The following RASGRP3 variants were observed in gnomAD, a reference collection of about 807,000 sequenced individuals.
RASGRP3 encodes ras guanyl-releasing protein 3.
RASGRP3 carries 54 observed loss-of-function variants against 82.7 expected under a neutral mutation model. The ratio of observed to expected loss-of-function variants is 0.65; its 90% confidence interval spans 0.52 to 0.82. RASGRP3 has a LOEUF of 0.82. Ranked by LOEUF, RASGRP3 falls within the 40% of genes least tolerant of loss-of-function variation. The pLI is 0.00. For missense variants in RASGRP3, 861 were observed against 828.9 expected (o/e 1.04, Z -0.48); for synonymous variants, 309 against 300.5 (o/e 1.03, Z -0.29).
chr2:33,447,149 G>A (rs1372617092), intron 1 of RASGRP3, among the ~76,000 whole-genome samples: 1 of 151,588 alleles, frequency 6.6e-6, no homozygotes, highest in East Asian at 1.9e-4. Context: ...GACCAAGTCA[G>A]GCATGAATGG....
At chr2:33,507,128 G>C (rs1339803071) in intron 1 of RASGRP3, among the ~76,000 whole-genome samples, 3 of 152,208 alleles carry the variant, frequency 2.0e-5, no homozygotes, top group Non-Finnish European at 4.4e-5. Context: ...AGGCACAGTG[G>C]CTCACACATG....
At chr2:33,511,928 A>G (rs1304635314) in intron 2 of RASGRP3, 86 bp downstream of exon 2, 2 of 152,604 alleles carry the variant, frequency 1.3e-5, no homozygotes, top group East Asian at 1.9e-4. Context: ...GAAACGTGCT[A>G]TGATGTTAAT....
intron 12 of RASGRP3, among the ~76,000 whole-genome samples, chr2:33,540,813 G>A (rs1197646637): frequency 2.1e-5 from 3 of 144,670 alleles, no homozygotes; most frequent in Non-Finnish European, 3.1e-5. Context: ...TTCCAAAATA[G>A]TTAACTTTTA....
intron 1 of RASGRP3, among the ~76,000 whole-genome samples, chr2:33,485,786 C>T (rs1185873256): frequency 1.3e-5 from 2 of 152,150 alleles, no homozygotes; most frequent in African/African-American, 4.8e-5. Context: ...TTGCTTTCAA[C>T]CTCTCTTTGG....
rs933008427 is a variant in RASGRP3, at chr2:33,510,555, T to C, written c.-260-1155T>C. ...TCGAATATCTTTTCTCTTCTCTAAA[T>C]GAACACCTCTCTCCCTTTCGCTTCT... On this transcript the variant is annotated intron_variant, in intron 1 of 17. Coordinates refer to ENST00000403687, the MANE Select transcript of RASGRP3 (RefSeq NM_001139488.2). Among the ~76,000 whole-genome samples the C allele has an allele frequency of 2.6e-5, 4 of 152,220 alleles. No homozygotes were observed. The South Asian group carries it at 8.3e-4, about 32-fold the overall frequency.
intron 1 of RASGRP3, among the ~76,000 whole-genome samples, chr2:33,477,477 G>T (rs1313301817): frequency 6.6e-6 from 1 of 152,128 alleles, no homozygotes; most frequent in African/African-American, 2.4e-5. Context: ...TGATACTCAG[G>T]CTGTTTTTTC....
chr2:33,538,417 C>T (rs551610981), intron 11 of RASGRP3, among the ~76,000 whole-genome samples: 8 of 151,492 alleles, frequency 5.3e-5, no homozygotes, highest in Admixed American at 1.3e-4. Flanking sequence ...GCACAAGAAT[C>T]GCTTGAACTT....
intron 9 of RASGRP3, 114 bp downstream of exon 9, chr2:33,524,662 G>A: frequency 1.3e-6 from 1 of 760,438 alleles, no homozygotes; most frequent in Non-Finnish European, 2.1e-6. Context: ...TCTTAAACCA[G>A]TGGTAGGTTA....
intron 2 of RASGRP3, chr2:33,458,150 G>A (rs1036561748): frequency 1.6e-4 from 24 of 152,150 alleles, no homozygotes; most frequent in East Asian, 1.9e-4. Flanking sequence ...GTCCAAAATC[G>A]GACTTATGTT....
chr2:33,557,505 C>T (rs564034215), intron 15 of RASGRP3, among the ~76,000 whole-genome samples: 4 of 151,924 alleles, frequency 2.6e-5, no homozygotes, highest in African/African-American at 7.3e-5. Flanking sequence ...GTCAGGAGAT[C>T]GAGACCATCC....
intron 10 of RASGRP3, 140 bp from the exon 11 acceptor site, chr2:33,534,183 G>T: frequency 4.9e-6 from 3 of 613,566 alleles, no homozygotes; most frequent in East Asian, 2.8e-5. Context: ...CCATCTCTGC[G>T]TGCCGTCTTT....
chr2:33,472,856 GC>G (rs1667139028), upstream of RASGRP3, among the ~76,000 whole-genome samples: 1 of 130,426 alleles, frequency 7.7e-6, no homozygotes, highest in Admixed American at 8.3e-5. Context: ...TGGTGACAGA[GC>G]AAGACTCCGT....
At chr2:33,504,301 C>T (rs1670150827) in intron 1 of RASGRP3, among the ~76,000 whole-genome samples, 1 of 152,050 alleles carries the variant, frequency 6.6e-6, no homozygotes, top group Non-Finnish European at 1.5e-5. Context: ...GGTCCCATTT[C>T]TGTGCTCCCG....
intron 8 of RASGRP3, 76 bp from the exon 9 acceptor site, chr2:33,524,356 A>G: frequency 1.0e-6 from 1 of 992,746 alleles, no homozygotes; most frequent in Non-Finnish European, 1.5e-6. Context: ...AAAATTGTGC[A>G]TAAATTTACT....
intron 1 of RASGRP3, among the ~76,000 whole-genome samples, chr2:33,440,372 A>C (rs1665160319): frequency 6.6e-6 from 1 of 152,224 alleles, no homozygotes; most frequent in African/African-American, 2.4e-5. Context: ...GAGATTAAGT[A>C]ACATGTCCAT....
Position 33,456,534 on chromosome 2 carries a change from C to G in RASGRP3, c.-261+8591C>G, listed in dbSNP as rs139123297. Among the ~76,000 whole-genome samples, 225 of 152,162 alleles carry G rather than the reference C, an allele frequency of 1.5e-3. 2 individuals are homozygous for G. Among genetic ancestry groups the G allele is most frequent in the African/African-American group, 5.2e-3 (214 of 41,488 alleles). On this transcript the variant is annotated intron_variant, in intron 2 of 18. Transcript: ENST00000402538. ...TCAGTCTTCTGAATAGCATAAAGAC[C>G]TTAGGAACTTTAAATTCTGATCTCA...
intron 16 of RASGRP3, 77 bp downstream of exon 16, chr2:33,558,413 G>T: frequency 6.2e-7 from 1 of 1,604,008 alleles, no homozygotes; most frequent in Non-Finnish European, 8.5e-7. Flanking sequence ...TTTAGGTTCT[G>T]GGTCTAAACC....
intron 6 of RASGRP3, 71 bp from the exon 7 acceptor site, chr2:33,521,884 A>G (rs1672067872): frequency 1.3e-6 from 2 of 1,525,948 alleles, no homozygotes; most frequent in South Asian, 1.3e-5. Flanking sequence ...TTGCAGAGTC[A>G]GTAGGTTAAT....
chr2:33,527,216 G>C lies in RASGRP3; in HGVS notation c.887G>C (p.Gly296Ala), dbSNP rs769525309. 2 of 1,613,920 alleles carry C rather than the reference G, an allele frequency of 1.2e-6. No homozygotes were observed. The highest frequency in any genetic ancestry group is 2.2e-5 in the East Asian group (1 of 44,904). ...NYRKAFADCD[G>A]FKIPILGVHL... is the part of the protein sequence containing the mutation. Reference sequence around the variant, plus strand: ...CGCAAGGCCTTTGCCGACTGCGATGGCTTCAAAATCCCCATCCTTGGAGTA... The same window carrying C: ...CGCAAGGCCTTTGCCGACTGCGATGCCTTCAAAATCCCCATCCTTGGAGTA... The change falls in exon 10 of 18, where the codon GGC becomes GCC. Residue 296 changes from glycine to alanine, a missense_variant. Physicochemically the swap from Gly to Ala is moderately conservative, Grantham distance 60 (BLOSUM62 0). Coordinates refer to ENST00000403687, the MANE Select transcript of RASGRP3 (RefSeq NM_001139488.2).
Sources: allele counts gnomAD v4.1 joint callset (sites outside exome capture counted in the v4.1 genomes callset), GRCh38; gene constraint gnomAD v4.1.1; transcripts MANE v1.5; gene names NCBI Gene and HGNC (gene_info 2026-07-23, HGNC 2026-07-21).